EPHA6: variants seen among roughly 807,000 people sequenced by gnomAD.
The protein encoded by EPHA6 is EPH receptor A6.
Under a neutral mutation model 112.0 loss-of-function variants are expected in EPHA6, and 50 were observed. The ratio of observed to expected loss-of-function variants is 0.45; its 90% CI spans 0.36 to 0.56. EPHA6 has a LOEUF of 0.56. Ranked by LOEUF, EPHA6 falls within the 20% of genes least tolerant of loss-of-function variation. The pLI is 0.00. For missense variants in EPHA6, 1,280 were observed against 1,417.4 expected (o/e 0.90, Z 1.56); for synonymous variants, 529 against 490.7 (o/e 1.08, Z -1.03).
At chr3:97,347,013 A>C (rs1028259191) in intron 5 of EPHA6, among the ~76,000 whole-genome samples, 8 of 152,090 alleles carry the variant, frequency 5.3e-5, no homozygotes, top group Non-Finnish European at 1.2e-4. Flanking sequence ...AATTGGAAGG[A>C]TTCCATGATG....
At chr3:96,879,957 G>T (rs1337225620) in intron 2 of EPHA6, among the ~76,000 whole-genome samples, 2 of 151,952 alleles carry the variant, frequency 1.3e-5, no homozygotes, top group Admixed American at 6.6e-5. Flanking sequence ...AAGCGAGGAG[G>T]ATAGGAGGGG....
At chr3:97,348,486 T>C (rs923845683) in intron 5 of EPHA6, among the ~76,000 whole-genome samples, 1 of 150,308 alleles carries the variant, frequency 6.7e-6, no homozygotes, top group Non-Finnish European at 1.5e-5. Context: ...ATGGAGTAGT[T>C]TTTTTTTTAT....
chr3:97,024,689 G>A (rs72918230), intron 3 of EPHA6, among the ~76,000 whole-genome samples: 2,249 of 152,172 alleles, frequency 0.015, 55 homozygotes, highest in African/African-American at 0.046. Context: ...GCCAAGTGTT[G>A]TATTTAAAGA....
rs116871048 is a variant in EPHA6, at chr3:96,908,567, G to A, written c.450+41678G>A. ...AACTTATATGTTTTCATATGTTCCC[G>A]TGCCGATTTCAGTGGTTTCCATTTT... is the stretch of plus-strand genomic sequence containing the variant. On this transcript the variant is annotated intron_variant, in intron 2 of 17. Transcript: ENST00000389672. Among the ~76,000 whole-genome samples the A allele has an allele frequency of 1.1e-4, 17 of 151,742 alleles. No homozygotes were observed. The East Asian group carries it at 2.9e-3, about 26-fold the overall frequency.
intron 2 of EPHA6, among the ~76,000 whole-genome samples, chr3:96,876,133 A>AT (rs112570955): frequency 1.4e-3 from 196 of 140,850 alleles, no homozygotes; most frequent in South Asian, 2.4e-3. Flanking sequence ...AAATACATAT[A>AT]TTTTTTTTTT....
intron 5 of EPHA6, among the ~76,000 whole-genome samples, chr3:97,295,466 T>G (rs2080841017): frequency 6.6e-6 from 1 of 152,108 alleles, no homozygotes; most frequent in Non-Finnish European, 1.5e-5. Context: ...GTATCATCCA[T>G]ATCCCTAATT....
chr3:97,693,329 A>G (rs1210919753), intron 14 of EPHA6, among the ~76,000 whole-genome samples: 1 of 152,218 alleles, frequency 6.6e-6, no homozygotes, highest in African/African-American at 2.4e-5. Flanking sequence ...GAGCCAGTAT[A>G]TATTTAAATA....
At chr3:97,481,682 CCCGCA>C (rs1317980339) in intron 9 of EPHA6, among the ~76,000 whole-genome samples, 3 of 151,886 alleles carry the variant, frequency 2.0e-5, no homozygotes, top group African/African-American at 4.8e-5. Flanking sequence ...CCGGCCCCGC[CCCGCA>C]CCGCCCCGGC....
At chr3:97,673,962 T>C (rs1166195473) in intron 14 of EPHA6, among the ~76,000 whole-genome samples, 1 of 152,260 alleles carries the variant, frequency 6.6e-6, no homozygotes, top group African/African-American at 2.4e-5. Flanking sequence ...TTAAAGATTT[T>C]CTGGAAAACT....
At chr3:97,492,105 C>T (rs761340162) in intron 10 of EPHA6, among the ~76,000 whole-genome samples, 9 of 151,928 alleles carry the variant, frequency 5.9e-5, no homozygotes, top group Non-Finnish European at 1.3e-4. Flanking sequence ...TTTTTTCAAG[C>T]TTAAAGTGAA....
Position 97,759,993 on chromosome 3 carries a change from T to C in EPHA6, c.*11292T>C, listed in dbSNP as rs575464844. ...ATACTGTTTTCCTTATTTTCATCTA[T>C]TACAGATTAAAAGGCAGAAACATTT... On this transcript the variant is annotated 3_prime_UTR_variant, in exon 18 of 18. Transcript: ENST00000389672. The C allele has an allele frequency of 2.7e-5, 5 of 187,810 alleles. No individual in the cohort carries two copies. The highest frequency in any genetic ancestry group is 9.3e-5 in the African/African-American group (4 of 42,932). The allele number at this position is 187,810 out of a possible 1,614,324, so 11.6% of individuals were successfully genotyped here.
chr3:97,529,764 T>C (rs1384870982), intron 10 of EPHA6, among the ~76,000 whole-genome samples: 2 of 152,076 alleles, frequency 1.3e-5, no homozygotes, highest in African/African-American at 2.4e-5. Context: ...AGATCTTTAA[T>C]TGAGGCAACC....
chr3:97,532,682 T>G, intron 11 of EPHA6, 139 bp downstream of exon 11: 1 of 704,140 alleles, frequency 1.4e-6, no homozygotes. Flanking sequence ...CTCAGAGACT[T>G]GATCCTAGGC....
At chr3:96,924,955 A>G (rs1315208741) in intron 2 of EPHA6, among the ~76,000 whole-genome samples, 2 of 151,924 alleles carry the variant, frequency 1.3e-5, no homozygotes, top group Non-Finnish European at 2.9e-5. Context: ...ACCTTTACTG[A>G]TTTGCATATG....
rs1577588164 is a variant in EPHA6, at chr3:97,500,238, A to G, written c.2200+16179A>G. ...GGTCTTTTGGGATGTGGTATGTGTA[A>G]GTTCATTCTGACATTCCTAGAAATA... On this transcript the variant is annotated intron_variant, in intron 10 of 17. Transcript: ENST00000389672. 3.3e-5 allele frequency among the ~76,000 whole-genome samples: 5 copies of G among 152,286 alleles called. 1 individual carries two copies. The East Asian group carries it at 9.7e-4, about 29-fold the overall frequency.
At chr3:97,173,846 G>T (rs1309736184) in intron 3 of EPHA6, among the ~76,000 whole-genome samples, 1 of 151,374 alleles carries the variant, frequency 6.6e-6, no homozygotes, top group Non-Finnish European at 1.5e-5. Flanking sequence ...TGGAGAATGG[G>T]GTATCCATTT....
chr3:97,315,878 A>T (rs1407942703), intron 5 of EPHA6, among the ~76,000 whole-genome samples: 1 of 151,812 alleles, frequency 6.6e-6, no homozygotes, highest in Non-Finnish European at 1.5e-5. Context: ...TCTTCACACC[A>T]TCATGTGCAC....
chr3:96,935,486 C>A (rs912176139), intron 2 of EPHA6, among the ~76,000 whole-genome samples: 1 of 150,392 alleles, frequency 6.6e-6, no homozygotes, highest in Admixed American at 6.7e-5. Context: ...GACATACTTT[C>A]TCTTACATAA....
intron 1 of EPHA6, among the ~76,000 whole-genome samples, chr3:96,850,998 G>A (rs1299845886): frequency 1.3e-5 from 2 of 152,016 alleles, no homozygotes; most frequent in Non-Finnish European, 2.9e-5. Flanking sequence ...AATCAAATAT[G>A]CCATTAACAA....
Sources: gnomAD v4.1 joint callset for allele counts (sites outside exome capture counted in the v4.1 genomes callset) on GRCh38, gnomAD v4.1.1 for gene constraint, MANE v1.5 for transcripts, NCBI Gene and HGNC (gene_info 2026-07-23, HGNC 2026-07-21) for gene names.